STK3: variants seen among roughly 807,000 people sequenced by gnomAD.
The protein encoded by STK3 is serine/threonine-protein kinase 3.
STK3 carries 41 observed loss-of-function variants against 58.0 expected under a neutral mutation model. That is an observed-to-expected ratio of 0.71 (90% CI 0.55 to 0.92). The LOEUF (loss-of-function observed/expected upper bound fraction) is 0.92, where lower values mean the gene tolerates loss of function less well. Among genes scored for constraint, STK3 ranks in the 40% least tolerant of loss-of-function variants. The pLI is 0.00. For synonymous variants in STK3, 170 were observed against 191.0 expected, an observed-to-expected ratio of 0.89 and a Z score of 0.91; for missense variants, 479 against 602.7, an observed-to-expected ratio of 0.79 and a Z score of 2.15.
At chr8:98,743,499 T>C (rs1424900462) in intron 4 of STK3, among the ~76,000 whole-genome samples, 16 of 152,138 alleles carry the variant, frequency 1.1e-4, no homozygotes, top group South Asian at 4.1e-4. Flanking sequence ...ATTCCCTATT[T>C]AATAAATGGT....
chr8:98,891,396 T>C (rs1838193326), intron 1 of STK3, among the ~76,000 whole-genome samples: 1 of 152,242 alleles, frequency 6.6e-6, no homozygotes, highest in Admixed American at 6.5e-5. Context: ...ACATTAACCA[T>C]CCTTTGTTAC....
chr8:98,840,523 A>T (rs1285802382), intron 3 of STK3, among the ~76,000 whole-genome samples: 1 of 143,014 alleles, frequency 7.0e-6, no homozygotes, highest in Non-Finnish European at 1.5e-5. Flanking sequence ...AGTGAGCATG[A>T]TCACACCACT....
intron 1 of STK3, among the ~76,000 whole-genome samples, chr8:98,796,696 T>C (rs1284677582): frequency 1.3e-5 from 2 of 152,194 alleles, no homozygotes; most frequent in Non-Finnish European, 2.9e-5. Context: ...GAGAAAATAT[T>C]TGCAAACTAT....
chr8:98,618,522 C>T (rs985397693), intron 6 of STK3, among the ~76,000 whole-genome samples: 6 of 151,234 alleles, frequency 4.0e-5, no homozygotes, highest in Admixed American at 6.6e-5. Context: ...GGAAGTCAAA[C>T]TGTCCCTGTT....
chr8:98,371,269 G>A (rs189785019), downstream of STK3: 1 of 152,168 alleles, frequency 6.6e-6, no homozygotes, highest in Admixed American at 6.5e-5. Flanking sequence ...ATCCCATCCA[G>A]TAAGGACGAG....
chr8:98,681,293 G>A (rs993274468), intron 6 of STK3, among the ~76,000 whole-genome samples: 10 of 151,672 alleles, frequency 6.6e-5, no homozygotes, highest in Middle Eastern at 3.4e-3. Flanking sequence ...CACTGCACCC[G>A]GCCTCTAACC....
At chr8:98,723,989 GTTTCA>G (rs1827624429) in intron 4 of STK3, among the ~76,000 whole-genome samples, 1 of 152,082 alleles carries the variant, frequency 6.6e-6, no homozygotes, top group Non-Finnish European at 1.5e-5. Context: ...CACTCCACAG[GTTTCA>G]TTTCATTTAA....
intron 6 of STK3, among the ~76,000 whole-genome samples, chr8:98,655,070 C>A (rs1821362515): frequency 6.6e-6 from 1 of 151,734 alleles, no homozygotes; most frequent in Admixed American, 6.6e-5. Context: ...CATCACACTA[C>A]CTGACTTCAA....
chr8:98,521,852 C>T (rs773061491), intron 10 of STK3, among the ~76,000 whole-genome samples: 1 of 152,162 alleles, frequency 6.6e-6, no homozygotes, highest in Non-Finnish European at 1.5e-5. Flanking sequence ...TCCTCTTCCA[C>T]ATTATAATTT....
intron 6 of STK3, among the ~76,000 whole-genome samples, chr8:98,700,352 C>T (rs932262441): frequency 2.6e-4 from 39 of 152,316 alleles, no homozygotes; most frequent in East Asian, 7.7e-4. Context: ...CTTCGGCTCG[C>T]GCACGGTGCA....
At chr8:98,576,219 G>A (rs1008149909) in intron 8 of STK3, among the ~76,000 whole-genome samples, 1 of 152,080 alleles carries the variant, frequency 6.6e-6, no homozygotes, top group African/African-American at 2.4e-5. Context: ...TAGATTTATG[G>A]GTTTATTTCC....
chr8:98,364,194 C>A, the STK3 span, among the ~76,000 whole-genome samples: 1 of 152,094 alleles, frequency 6.6e-6, no homozygotes, highest in Non-Finnish European at 1.5e-5. Context: ...GCTGGAGGGT[C>A]GTCTTGGCGT....
At chr8:98,886,825 C>T (rs868010168) in intron 1 of STK3, among the ~76,000 whole-genome samples, 2 of 152,250 alleles carry the variant, frequency 1.3e-5, no homozygotes, top group Middle Eastern at 3.4e-3. Context: ...GGGCCAGGCA[C>T]GGTGGCTCAT....
intron 10 of STK3, among the ~76,000 whole-genome samples, chr8:98,466,606 G>A (rs1289777607): frequency 6.6e-6 from 1 of 152,186 alleles, no homozygotes; most frequent in African/African-American, 2.4e-5. Context: ...CTGGGAGCAG[G>A]AAGGAGACCG....
At chr8:98,716,219 G>A (rs1827001451) in intron 4 of STK3, among the ~76,000 whole-genome samples, 1 of 151,976 alleles carries the variant, frequency 6.6e-6, no homozygotes, top group East Asian at 1.9e-4. Context: ...CACTAACATG[G>A]CACATGTATA....
chr8:98,738,549 T>C (rs1258826099), intron 4 of STK3, among the ~76,000 whole-genome samples: 2 of 152,064 alleles, frequency 1.3e-5, no homozygotes, highest in African/African-American at 2.4e-5. Context: ...GACAAGGGAA[T>C]TGCATCCCAA....
At chr8:98,824,774 T>C (rs1217915041) in intron 1 of STK3, among the ~76,000 whole-genome samples, 3 of 152,250 alleles carry the variant, frequency 2.0e-5, no homozygotes, top group Non-Finnish European at 4.4e-5. Context: ...AACTCTTTAA[T>C]CTTCACAACA....
chr8:98,818,926 T>G (rs1834721014), intron 1 of STK3, among the ~76,000 whole-genome samples: 1 of 152,130 alleles, frequency 6.6e-6, no homozygotes, highest in South Asian at 2.1e-4. Context: ...GTTCACACGA[T>G]TCTCCTGCCT....
intron 3 of STK3, chr8:98,431,657 C>G (rs1420557173): frequency 6.0e-6 from 1 of 167,026 alleles, no homozygotes; most frequent in Admixed American, 6.5e-5. Flanking sequence ...ATAACTCAGT[C>G]ACTTTCATGA....
Sources: allele counts gnomAD v4.1 joint callset (sites outside exome capture counted in the v4.1 genomes callset), GRCh38; gene constraint gnomAD v4.1.1; transcripts MANE v1.5; gene names NCBI Gene and HGNC (gene_info 2026-07-23, HGNC 2026-07-21).